Variants in HADH observed in about 807,000 individuals in gnomAD.
The protein encoded by HADH is hydroxyacyl-coenzyme A dehydrogenase, mitochondrial.
HADH carries 24 observed loss-of-function variants against 32.2 expected under a neutral mutation model. That is an observed-to-expected ratio of 0.75 (90% CI 0.54 to 1.05). The LOEUF (loss-of-function observed/expected upper bound fraction) is 1.05. Ranked by LOEUF, HADH falls within the 50% of genes least tolerant of loss-of-function variation. The probability of loss-of-function intolerance (pLI) is 0.00; values close to 1 mark genes in which losing one functional copy is unlikely to be tolerated. For synonymous variants in HADH, 139 were observed against 152.5 expected (o/e 0.91, Z 0.65); for missense variants, 350 against 397.1 (o/e 0.88, Z 1.01).
At chr4:108,013,347 G>A (rs1300534812) in intron 2 of HADH, among the ~76,000 whole-genome samples, 1 of 152,184 alleles carries the variant, frequency 6.6e-6, no homozygotes, top group Non-Finnish European at 1.5e-5. Flanking sequence ...CTAGGACAGA[G>A]TGAGTTTGAC....
In HADH at chr4:108,019,574, C is replaced by T. The variant is rs756959997; in HGVS notation, c.454C>T (p.Gln152Ter). Reference sequence around the variant, plus strand: ...CTTTGCCAGCAACACTTCCTCCTTGCAGATTACAAGCATAGCTAATGCCAC... The same window carrying T: ...CTTTGCCAGCAACACTTCCTCCTTGTAGATTACAAGCATAGCTAATGCCAC... ...TIFASNTSSL[Q>*]ITSIANATTR... Residue 152 changes from glutamine (Q) to a stop codon, truncating the protein, a stop_gained, in exon 4 of 8, where the codon CAG (glutamine) becomes TAG (stop). Transcript: ENST00000309522. LOFTEE classifies it high-confidence loss of function. 2 of 1,613,644 alleles carry T rather than the reference C, an allele frequency of 1.2e-6. No homozygotes were observed. Among genetic ancestry groups the T allele is most frequent in the Non-Finnish European group, 1.7e-6 (2 of 1,179,508 alleles).
chr4:108,032,901 G>A (rs1736324098), intron 6 of HADH: 1 of 427,352 alleles, frequency 2.3e-6, no homozygotes, highest in Non-Finnish European at 4.3e-6. Context: ...AGAATCACTT[G>A]AACCCAGGAG....
intron 1 of HADH, among the ~76,000 whole-genome samples, chr4:107,995,913 C>G (rs981140672): frequency 6.6e-6 from 1 of 152,164 alleles, no homozygotes; most frequent in Non-Finnish European, 1.5e-5. Flanking sequence ...ACCTGCTGGT[C>G]GTCTACATCA....
intron 1 of HADH, among the ~76,000 whole-genome samples, chr4:107,999,233 A>G (rs763226903): frequency 6.6e-6 from 1 of 152,190 alleles, no homozygotes; most frequent in Non-Finnish European, 1.5e-5. Flanking sequence ...AAGGTATAAG[A>G]CACATTCACA....
intron 5 of HADH, 143 bp from the exon 6 acceptor site, chr4:108,027,545 C>T: frequency 1.4e-6 from 1 of 717,882 alleles, no homozygotes; most frequent in Non-Finnish European, 2.6e-6. Flanking sequence ...GAAATAAGGC[C>T]ATGCTGCAAA....
chr4:108,011,082 T>C (rs554205964), intron 2 of HADH, among the ~76,000 whole-genome samples: 5 of 152,140 alleles, frequency 3.3e-5, no homozygotes, highest in Admixed American at 6.5e-5. Context: ...CTCTTGACCT[T>C]GTTATCCACC....
chr4:108,023,053 G>C (rs1735946094), intron 4 of HADH, among the ~76,000 whole-genome samples: 1 of 150,460 alleles, frequency 6.6e-6, no homozygotes, highest in South Asian at 2.1e-4. Context: ...GAGTGCAGTG[G>C]CATGATCTCG....
rs1736383414 is a variant in HADH at position 108,034,316 on chromosome 4, T to C, written c.904T>C (p.Phe302Leu). 6.2e-7 allele frequency: 1 copy of C among 1,612,872 alleles called. No individual in the cohort carries two copies. ...SLNKLVAENK[F>L]GKKTGEGFYK... ...AAATAAGCTGGTAGCAGAGAACAAGTTCGGCAAGAAGACTGGAGAAGGATT... is the reference window on the plus strand; with the variant it reads ...AAATAAGCTGGTAGCAGAGAACAAGCTCGGCAAGAAGACTGGAGAAGGATT... The change falls in exon 8 of 8, where the codon TTC becomes CTC. Residue 302 changes from phenylalanine (F) to leucine (L), a missense_variant. By Grantham distance (22) the Phe-to-Leu change is conservative (BLOSUM62 0). Transcript: ENST00000309522.
chr4:108,034,137 C>G (rs1736373848), intron 7 of HADH, 102 bp from the exon 8 acceptor site: 1 of 839,474 alleles, frequency 1.2e-6, no homozygotes, highest in African/African-American at 1.7e-5. Flanking sequence ...CTGGGGGGCT[C>G]TCCCACATCA....
At chr4:107,994,502 T>C (rs1279134416) in intron 1 of HADH, among the ~76,000 whole-genome samples, 1 of 152,212 alleles carries the variant, frequency 6.6e-6, no homozygotes, top group African/African-American at 2.4e-5. Context: ...TCATATTTTT[T>C]TAGCTTTATT....
chr4:108,000,304 A>C (rs566546239), intron 1 of HADH, among the ~76,000 whole-genome samples: 15 of 152,208 alleles, frequency 9.9e-5, no homozygotes, highest in Non-Finnish European at 1.6e-4. Flanking sequence ...CAGCTATTAC[A>C]TATCAGTTTT....
chr4:107,991,804 T>C (rs1734821883), intron 1 of HADH, among the ~76,000 whole-genome samples: 2 of 152,202 alleles, frequency 1.3e-5, no homozygotes, highest in African/African-American at 4.8e-5. Context: ...ATGTGTTTTT[T>C]AGAAACATTT....
chr4:107,995,125 G>T (rs1734918312), intron 1 of HADH, among the ~76,000 whole-genome samples: 1 of 152,060 alleles, frequency 6.6e-6, no homozygotes, highest in Admixed American at 6.5e-5. Context: ...AGATAATGTG[G>T]ATGTTCTCTG....
intron 1 of HADH, among the ~76,000 whole-genome samples, chr4:108,002,281 C>A (rs1373853174): frequency 6.6e-6 from 1 of 152,212 alleles, no homozygotes; most frequent in East Asian, 1.9e-4. Context: ...GCATTGCTAC[C>A]TGAGCTCTGC....
intron 5 of HADH, 140 bp downstream of exon 5, chr4:108,023,703 C>T (rs1735969372): frequency 2.9e-6 from 2 of 697,656 alleles, no homozygotes; most frequent in South Asian, 3.0e-5. Flanking sequence ...CTGTAAAGAG[C>T]AATCCGTGCC....
chr4:108,015,517 T>G (rs1296761928), intron 3 of HADH, among the ~76,000 whole-genome samples: 1 of 152,186 alleles, frequency 6.6e-6, no homozygotes, highest in Non-Finnish European at 1.5e-5. Flanking sequence ...CCTCCTTGTT[T>G]ATTGCCTTCT....
chr4:108,008,454 A>G lies in HADH; in HGVS notation c.133-1305A>G, dbSNP rs538005012. On this transcript the variant is annotated intron_variant, in intron 1 of 7. Coordinates refer to ENST00000309522, the MANE Select transcript of HADH (RefSeq NM_005327.7). Reference sequence around the variant, plus strand: ...CCTTGCACTTAAAACCTGTCTTACCATTTTGAAAACTGTTCTTTGGAAATC... The same window carrying G: ...CCTTGCACTTAAAACCTGTCTTACCGTTTTGAAAACTGTTCTTTGGAAATC... Among the ~76,000 whole-genome samples the G allele has an allele frequency of 2.6e-5, 4 of 152,298 alleles. No individual in the cohort carries two copies. In the South Asian group the frequency reaches 8.3e-4, roughly 32 times the overall value.
At position 108,009,905 on chromosome 4, in the gene HADH, A is replaced by T; in HGVS notation, c.261+18A>T. The T allele has an allele frequency of 6.4e-7, 1 of 1,570,296 alleles. No individual in the cohort carries two copies. Among genetic ancestry groups the T allele is most frequent in the Non-Finnish European group, 8.8e-7 (1 of 1,142,680 alleles). The stretch of plus-strand genomic sequence containing the variant: ...ACCTTAAGGTAATTTCTTATTATCG[A>T]TGTCTTCAAGACAAGTCCTCTGACT... On this transcript the variant is annotated intron_variant, in intron 2 of 7. Coordinates refer to ENST00000309522, the MANE Select transcript of HADH (RefSeq NM_005327.7).
chr4:107,994,163 C>T (rs1335652071), intron 1 of HADH, among the ~76,000 whole-genome samples: 4 of 151,986 alleles, frequency 2.6e-5, no homozygotes, highest in Non-Finnish European at 5.9e-5. Flanking sequence ...GTGCACTACT[C>T]TTCTTTGAGG....
Sources: allele counts gnomAD v4.1 joint callset (sites outside exome capture counted in the v4.1 genomes callset), GRCh38; gene constraint gnomAD v4.1.1; transcripts MANE v1.5; gene names NCBI Gene and HGNC (gene_info 2026-07-23, HGNC 2026-07-21).